RORA: variants seen among roughly 807,000 people sequenced by gnomAD.
The protein encoded by RORA is nuclear receptor ROR-alpha.
RORA carries 7 observed loss-of-function variants against 69.5 expected under a neutral mutation model. The observed-to-expected ratio is 0.10, with a 90% CI of 0.06 to 0.19. The LOEUF is 0.19. Ranked by LOEUF, RORA falls within the 10% of genes least tolerant of loss-of-function variation. RORA has a pLI of 1.00. For synonymous variants in RORA, 261 were observed against 240.8 expected (o/e 1.08, Z -0.78); for missense variants, 457 against 663.0 (o/e 0.69, Z 3.41).
At chr15:60,829,642 T>C (rs1240065560) in intron 1 of RORA, among the ~76,000 whole-genome samples, 1 of 152,180 alleles carries the variant, frequency 6.6e-6, no homozygotes, top group Non-Finnish European at 1.5e-5. Context: ...CCATGAGCCA[T>C]TGTCATTTTA....
At chr15:60,522,389 T>C (rs1416190362) in intron 3 of RORA, among the ~76,000 whole-genome samples, 4 of 152,192 alleles carry the variant, frequency 2.6e-5, no homozygotes, top group Non-Finnish European at 4.4e-5. Flanking sequence ...CAGGGTTTGA[T>C]TTATTATTTT....
chr15:61,106,318 G>A (rs1400021479), intron 1 of RORA, among the ~76,000 whole-genome samples: 1 of 152,214 alleles, frequency 6.6e-6, no homozygotes, highest in African/African-American at 2.4e-5. Context: ...TTGATGAGGT[G>A]AGACCATACA....
intron 1 of RORA, among the ~76,000 whole-genome samples, chr15:61,148,606 G>C (rs1334726363): frequency 6.6e-6 from 1 of 151,968 alleles, no homozygotes; most frequent in Non-Finnish European, 1.5e-5. Flanking sequence ...GAAAAATAAA[G>C]AACAACATAA....
intron 2 of RORA, among the ~76,000 whole-genome samples, chr15:60,554,651 A>C (rs900268464): frequency 6.6e-6 from 1 of 152,200 alleles, no homozygotes; most frequent in African/African-American, 2.4e-5. Flanking sequence ...ATTATCCTAG[A>C]ACTCTAGCTA....
chr15:60,783,481 C>G (rs148730719), intron 1 of RORA, among the ~76,000 whole-genome samples: 1 of 152,058 alleles, frequency 6.6e-6, no homozygotes, highest in African/African-American at 2.4e-5. Context: ...ACCTCCCAAA[C>G]AGTATTTTTT....
intron 1 of RORA, among the ~76,000 whole-genome samples, chr15:61,166,610 G>A (rs749705849): frequency 6.6e-6 from 1 of 151,926 alleles, no homozygotes; most frequent in Non-Finnish European, 1.5e-5. Flanking sequence ...TATAGGAAGG[G>A]GAAATATAAA....
intron 1 of RORA, among the ~76,000 whole-genome samples, chr15:60,941,655 C>T (rs1463768989): frequency 1.3e-5 from 2 of 152,186 alleles, no homozygotes; most frequent in Admixed American, 6.5e-5. Context: ...GGTGAGTGCT[C>T]ACTTTGTATT....
At chr15:61,114,168 C>A (rs2079030748) in intron 1 of RORA, among the ~76,000 whole-genome samples, 1 of 151,410 alleles carries the variant, frequency 6.6e-6, no homozygotes, top group Admixed American at 6.6e-5. Context: ...ACTGGAGAGA[C>A]TTTTTTTTTA....
chr15:60,864,835 C>T (rs1195101855), intron 1 of RORA, among the ~76,000 whole-genome samples: 2 of 152,208 alleles, frequency 1.3e-5, no homozygotes, highest in Admixed American at 1.3e-4. Context: ...TATTTACTCA[C>T]TTAGTAATTG....
intron 2 of RORA, among the ~76,000 whole-genome samples, chr15:60,675,218 G>A (rs542873931): frequency 1.3e-5 from 2 of 152,322 alleles, no homozygotes; most frequent in African/African-American, 4.8e-5. Context: ...AACCAACACA[G>A]CAGCTGATTC....
At chr15:60,877,891 A>C (rs190304435) in intron 1 of RORA, among the ~76,000 whole-genome samples, 1 of 152,306 alleles carries the variant, frequency 6.6e-6, no homozygotes, top group African/African-American at 2.4e-5. Flanking sequence ...GTGGTGCTCT[A>C]ATGAGACCCG....
At chr15:60,726,677 G>A (rs1176533163) in intron 1 of RORA, among the ~76,000 whole-genome samples, 14 of 152,234 alleles carry the variant, frequency 9.2e-5, no homozygotes, top group Admixed American at 6.5e-5. Context: ...GGCTGCAGAC[G>A]CGCCACTGTG....
At chr15:60,866,240 C>A (rs2140430408) in intron 1 of RORA, among the ~76,000 whole-genome samples, 1 of 152,286 alleles carries the variant, frequency 6.6e-6, no homozygotes, top group East Asian at 1.9e-4. Context: ...AGCCATTATT[C>A]TACTCTCCAT....
chr15:60,941,732 A>G (rs1892702074), intron 1 of RORA, among the ~76,000 whole-genome samples: 1 of 152,346 alleles, frequency 6.6e-6, no homozygotes, highest in East Asian at 1.9e-4. Flanking sequence ...ATTATGAGTC[A>G]TTCCACATGT....
At chr15:61,020,917 A>T (rs1895490367) in intron 1 of RORA, among the ~76,000 whole-genome samples, 1 of 152,206 alleles carries the variant, frequency 6.6e-6, no homozygotes, top group Admixed American at 6.5e-5. Flanking sequence ...TGATGAATTC[A>T]ATTGTATCAG....
At chr15:61,029,381 C>T (rs17270752) in intron 1 of RORA, among the ~76,000 whole-genome samples, 1 of 152,146 alleles carries the variant, frequency 6.6e-6, no homozygotes, top group African/African-American at 2.4e-5. Flanking sequence ...CACACAGGGC[C>T]CTGCCAGCCA....
rs1260241574 is a variant in RORA at position 60,516,413 on chromosome 15, A to C, written c.283-1656T>G. ...CTTTTTATCTTTTTATTGCTCATTT[A>C]TCTTTCAGTGGCTTTGCAAGCTAGG... On this transcript the variant is annotated intron_variant, in intron 3 of 10. Transcript: ENST00000335670. 1.4e-5 allele frequency among the ~76,000 whole-genome samples: 2 copies of C among 148,042 alleles called. 1 individual carries two copies. The highest frequency in any genetic ancestry group is 5.0e-5 in the African/African-American group (2 of 39,996).
At chr15:61,121,140 A>G (rs1207572528) in intron 1 of RORA, among the ~76,000 whole-genome samples, 1 of 152,144 alleles carries the variant, frequency 6.6e-6, no homozygotes, top group Non-Finnish European at 1.5e-5. Context: ...GTGGGCCACC[A>G]TGCCCAGCCA....
intron 2 of RORA, chr15:60,557,049 T>G (rs1330018561): frequency 8.2e-6 from 6 of 730,566 alleles, no homozygotes; most frequent in Middle Eastern, 2.7e-4. Context: ...AAGTACTGTT[T>G]AGGTAGCCAA....
Sources: allele counts gnomAD v4.1 joint callset (sites outside exome capture counted in the v4.1 genomes callset), GRCh38; gene constraint gnomAD v4.1.1; transcripts MANE v1.5; gene names NCBI Gene and HGNC (gene_info 2026-07-23, HGNC 2026-07-21).